The following GALNT6 variants were observed in gnomAD, a reference collection of about 807,000 sequenced individuals.
GALNT6 encodes the protein GalNAc transferase 6.
Under a neutral mutation model 65.9 loss-of-function variants are expected in GALNT6, and 51 were observed. The ratio of observed to expected loss-of-function variants is 0.77; its 90% confidence interval spans 0.62 to 0.98. GALNT6 has a LOEUF of 0.98. GALNT6 is among the 50% of genes least tolerant of loss of function. The pLI is 0.00. For missense variants in GALNT6, 708 were observed against 803.3 expected (o/e 0.88, Z 1.43); for synonymous variants, 323 against 315.1 (o/e 1.02, Z -0.26).
chr12:51,356,653 C>T (rs1946759386), intron 10 of GALNT6, among the ~76,000 whole-genome samples: 4 of 152,048 alleles, frequency 2.6e-5, no homozygotes, highest in African/African-American at 4.8e-5. Context: ...TGTGGGCTAC[C>T]GTGCCTAATC....
rs1946688935 is a variant in GALNT6 at position 51,354,483 on chromosome 12, T to C, written c.1765A>G (p.Ile589Val). 6.3e-7 allele frequency: 1 copy of C among 1,594,276 alleles called. No individual in the cohort carries two copies. The highest frequency in any genetic ancestry group is 1.4e-5 in the African/African-American group (1 of 73,704). ...CAGGTACCAGATCCTGAGTTCCTGA[T>C]GAGCTGATCCTAAAAGATGACAAAG... ...EEWELAQDQL[I>V]RNSGSGTCLT... is the part of the protein sequence containing the mutation. The change falls in exon 12 of 12, where the codon ATC (isoleucine) becomes GTC (valine). Residue 589 changes from isoleucine (I) to valine (V), a missense_variant. Physicochemically the swap from Ile to Val is conservative, Grantham distance 29. Coordinates refer to ENST00000356317, the MANE Select transcript of GALNT6 (RefSeq NM_007210.4).
chr12:51,378,405 C>T (rs577123202), intron 3 of GALNT6, among the ~76,000 whole-genome samples: 1 of 152,168 alleles, frequency 6.6e-6, no homozygotes, highest in Non-Finnish European at 1.5e-5. Flanking sequence ...GATCCACCCA[C>T]CTCAGCCTTC....
rs1160226868 is a variant in GALNT6 at position 51,379,413 on chromosome 12, G to C, written c.369C>G (p.Ser123Arg). ...PGADGKAFQK[S>R]KWTPLETQEK... ...CCTGGGTCTCCAGGGGGGTCCACTT[G>C]CTCTTCTGAAATGCTTTTCCATCTG... is the stretch of plus-strand genomic sequence containing the variant. The change falls in exon 3 of 12, where the codon AGC (serine) becomes AGG (arginine). Residue 123 changes from serine to arginine, a missense_variant. By Grantham distance (110) the Ser-to-Arg change is moderately radical. Coordinates refer to ENST00000356317, the MANE Select transcript of GALNT6 (RefSeq NM_007210.4). The C allele has an allele frequency of 3.7e-6, 6 of 1,609,184 alleles. No homozygotes were observed. The African/African-American group carries it at 5.4e-5, about 14-fold the overall frequency.
rs953014274 is a variant in GALNT6, at chr12:51,379,519, G to T, written c.263C>A (p.Ser88Tyr). ...AQQTLFSINQSCLPGFYTPAE... is the reference protein window; with the variant it reads ...AQQTLFSINQYCLPGFYTPAE... ...TGGGGTATAGAACCCAGGGAGGCAG[G>T]ACTGGTTTATGGAGAACAGAGTCTG... Residue 88 changes from serine (S) to tyrosine (Y), a missense_variant, in exon 3 of 12, where the codon TCC becomes TAC. Transcript: ENST00000356317. 2 of 1,614,082 alleles carry T rather than the reference G, an allele frequency of 1.2e-6. No individual in the cohort carries two copies. The highest frequency in any genetic ancestry group is 1.7e-6 in the Non-Finnish European group (2 of 1,180,034).
In GALNT6 at chr12:51,354,433, T is replaced by A; in HGVS notation, c.1815A>T (p.Pro605=). ...GTCLTSQDKK[P]AMAPCNPSDP... ...CACTGGGATTGCAGGGGGCCATGGC[T>A]GGCTTTTTGTCCTGGGATGTCAGGC... Residue 605 remains proline, a synonymous_variant, in exon 12 of 12, where the codon CCA becomes CCT. Coordinates refer to ENST00000356317, the MANE Select transcript of GALNT6 (RefSeq NM_007210.4). The A allele has an allele frequency of 6.3e-7, 1 of 1,592,954 alleles. No individual in the cohort carries two copies. Among genetic ancestry groups the A allele is most frequent in the Non-Finnish European group, 8.5e-7 (1 of 1,172,014 alleles).
chr12:51,382,984 G>A (rs1947720702), intron 2 of GALNT6, among the ~76,000 whole-genome samples: 1 of 152,216 alleles, frequency 6.6e-6, no homozygotes, highest in African/African-American at 2.4e-5. Context: ...CACCTGACCA[G>A]GGGAGATTCA....
intron 4 of GALNT6, among the ~76,000 whole-genome samples, chr12:51,368,700 C>T (rs1038222979): frequency 1.3e-5 from 2 of 151,468 alleles, no homozygotes; most frequent in African/African-American, 4.9e-5. Flanking sequence ...GCCACTACGC[C>T]CCGCCCACTT....
chr12:51,367,125 C>T (rs140844716), intron 4 of GALNT6, among the ~76,000 whole-genome samples: 7 of 152,192 alleles, frequency 4.6e-5, no homozygotes, highest in East Asian at 1.9e-4. Context: ...TAGCTGGGCA[C>T]GCATGCTTGT....
In GALNT6 at chr12:51,364,267, G is replaced by C. The variant is rs150719035; in HGVS notation, c.903C>G (p.Ile301Met). 1 of 1,614,098 alleles carries C rather than the reference G, an allele frequency of 6.2e-7. No individual in the cohort carries two copies. The change falls in exon 6 of 12, where the codon ATC (isoleucine) becomes ATG (methionine). Residue 301 changes from isoleucine to methionine, a missense_variant. By Grantham distance (10) the Ile-to-Met change is conservative (BLOSUM62 1). Transcript: ENST00000356317. ...TVVVSPDIVT[I>M]DLNTFEFAKP... ...TGGCGAACTCAAAAGTATTAAGGTC[G>C]ATGGTGACGATGTCTGGGCTCACCA...
chr12:51,380,506 A>G lies in GALNT6; in HGVS notation c.-103-622T>C, dbSNP rs143286486. Among the ~76,000 whole-genome samples the G allele has an allele frequency of 3.4e-3, 522 of 152,366 alleles. 3 individuals are homozygous for G. Among genetic ancestry groups the G allele is most frequent in the Non-Finnish European group, 5.4e-3 (370 of 68,040 alleles). ...ATACATACAGTATGATTCCACTTAT[A>G]GAAAATGTAAAAACATGCTAAAATT... On this transcript the variant is annotated intron_variant, in intron 2 of 11. Transcript: ENST00000356317.
At chr12:51,374,416 G>T (rs1302706593) in intron 4 of GALNT6, among the ~76,000 whole-genome samples, 1 of 152,152 alleles carries the variant, frequency 6.6e-6, no homozygotes, top group East Asian at 1.9e-4. Flanking sequence ...CCAAGTATCT[G>T]TCTTCCCTGG....
chr12:51,352,001 T>C lies in GALNT6; in HGVS notation c.*2378A>G, dbSNP rs1311412096. The stretch of plus-strand genomic sequence containing the variant: ...CACTCCTTTCCTTTTGGCTGGCCAA[T>C]GTCTCCTCTGTAGGCTCCAGAAGGC... On this transcript the variant is annotated 3_prime_UTR_variant, in exon 12 of 12. Coordinates refer to ENST00000356317, the MANE Select transcript of GALNT6 (RefSeq NM_007210.4). 6.6e-6 allele frequency: 1 copy of C among 152,144 alleles called. No individual in the cohort carries two copies. Among genetic ancestry groups the C allele is most frequent in the Non-Finnish European group, 1.5e-5 (1 of 68,062 alleles). The allele number at this position is 152,144 out of a possible 1,614,324, so 9.4% of individuals were successfully genotyped here.
intron 2 of GALNT6, among the ~76,000 whole-genome samples, chr12:51,386,910 C>G (rs1339601007): frequency 6.6e-6 from 1 of 152,184 alleles, no homozygotes; most frequent in Non-Finnish European, 1.5e-5. Flanking sequence ...CCACCCCTGA[C>G]CCTTTTGATC....
At chr12:51,359,514 T>A in intron 7 of GALNT6, 182 bp from the exon 8 acceptor site, 1 of 502,254 alleles carries the variant, frequency 2.0e-6, no homozygotes, top group Non-Finnish European at 3.5e-6. Flanking sequence ...GACTACACGA[T>A]CCCAGGCTTT....
At chr12:51,359,400 C>A in intron 7 of GALNT6, 68 bp from the exon 8 acceptor site, 1 of 1,084,300 alleles carries the variant, frequency 9.2e-7, no homozygotes, top group South Asian at 1.5e-5. Context: ...ATAAGCAGCT[C>A]TATTCTATTC....
intron 2 of GALNT6, among the ~76,000 whole-genome samples, chr12:51,390,161 T>C (rs1186465584): frequency 1.1e-4 from 12 of 113,820 alleles, no homozygotes; most frequent in African/African-American, 1.8e-4. Context: ...TCTTTCTTTT[T>C]TTTTTTTTTT....
At chr12:51,377,577 A>G (rs1038155877) in intron 3 of GALNT6, among the ~76,000 whole-genome samples, 1 of 151,842 alleles carries the variant, frequency 6.6e-6, no homozygotes, top group South Asian at 2.1e-4. Flanking sequence ...TTCTAGCCAA[A>G]CCACTCCAAA....
chr12:51,367,147 C>G (rs1947134430), intron 4 of GALNT6, among the ~76,000 whole-genome samples: 2 of 152,154 alleles, frequency 1.3e-5, no homozygotes, highest in Admixed American at 1.3e-4. Context: ...ATCCCAGCTA[C>G]TCGGGAGGCT....
intron 9 of GALNT6, 109 bp from the exon 10 acceptor site, chr12:51,357,559 G>T: frequency 2.8e-6 from 2 of 713,558 alleles, no homozygotes; most frequent in South Asian, 3.1e-5. Flanking sequence ...CAACAAATTT[G>T]CATGGCTGGA....
Sources: gnomAD v4.1 joint callset for allele counts (sites outside exome capture counted in the v4.1 genomes callset) on GRCh38, gnomAD v4.1.1 for gene constraint, MANE v1.5 for transcripts, NCBI Gene and HGNC (gene_info 2026-07-23, HGNC 2026-07-21) for gene names.